The following HECTD4 variants were observed in gnomAD, a reference collection of about 807,000 sequenced individuals.
HECTD4 encodes HECT domain E3 ubiquitin protein ligase 4, also known as probable E3 ubiquitin-protein ligase HECTD4.
A neutral mutation model predicts 471.5 loss-of-function variants in HECTD4; 114 were observed. The observed-to-expected ratio is 0.24, with a 90% CI of 0.21 to 0.28. HECTD4 has a LOEUF of 0.28. Among genes scored for constraint, HECTD4 ranks in the 10% least tolerant of loss-of-function variants. The pLI is 1.00. For missense variants in HECTD4, 3,866 were observed against 5,651.5 expected (o/e 0.68, Z 10.13); for synonymous variants, 2,012 against 2,256.0 (o/e 0.89, Z 3.07).
At chr12:112,334,207 TTAAATAAATAAATAAA>T (rs35774693) in intron 1 of HECTD4, among the ~76,000 whole-genome samples, 65 of 142,708 alleles carry the variant, frequency 4.6e-4, no homozygotes, top group Middle Eastern at 3.5e-3. Flanking sequence ...AGACTCCCTC[TTAAATAAATAAATAAA>T]TAAATAAATA....
intron 44 of HECTD4, among the ~76,000 whole-genome samples, chr12:112,222,201 G>A (rs1190909303): frequency 1.3e-5 from 2 of 152,128 alleles, no homozygotes; most frequent in Non-Finnish European, 2.9e-5. Context: ...GATTACAGGC[G>A]TGAGCCATTG....
At chr12:112,294,299 A>C (rs1036941852) in intron 7 of HECTD4, among the ~76,000 whole-genome samples, 1 of 152,138 alleles carries the variant, frequency 6.6e-6, no homozygotes, top group African/African-American at 2.4e-5. Context: ...ACAAGTATCT[A>C]CATTATTTAG....
chr12:112,178,935 C>T lies in HECTD4; in HGVS notation c.11359G>A (p.Val3787Ile), dbSNP rs536394487. 1.2e-5 allele frequency: 19 copies of T among 1,609,078 alleles called. No individual in the cohort carries two copies. The highest frequency in any genetic ancestry group is 1.1e-4 in the African/African-American group (8 of 74,990). Residue 3787 changes from valine (V) to isoleucine (I), a missense_variant, in exon 64 of 76, where the codon GTC becomes ATC. Transcript: ENST00000682272. ...PAKDKAVLNS[V>I]SRTALSEKKP... ...CAGGCTCCTTGGGGCACGCACCTGACGCTGTTGAGCACAGCCTTGTCCTTG... is the reference window on the plus strand; with the variant it reads ...CAGGCTCCTTGGGGCACGCACCTGATGCTGTTGAGCACAGCCTTGTCCTTG...
At chr12:112,333,562 T>C (rs532532124) in intron 1 of HECTD4, among the ~76,000 whole-genome samples, 8 of 152,226 alleles carry the variant, frequency 5.3e-5, no homozygotes, top group East Asian at 3.9e-4. Context: ...GTATGGACAA[T>C]AGAGGCCAGA....
At chr12:112,176,025 C>T (rs533208046) in intron 65 of HECTD4, among the ~76,000 whole-genome samples, 166 bp from the exon 66 acceptor site, 1 of 152,254 alleles carries the variant, frequency 6.6e-6, no homozygotes, top group African/African-American at 2.4e-5. Flanking sequence ...TGACCCACTG[C>T]GCACAGGATA....
rs1017664314 is a variant in HECTD4 at position 112,382,090 on chromosome 12, C to G, written c.39G>C (p.Ala13=). 4.5e-6 allele frequency: 5 copies of G among 1,122,110 alleles called. No homozygotes were observed. In the African/African-American group the frequency reaches 8.2e-5, roughly 18 times the overall value. The allele number at this position is 1,122,110 out of a possible 1,614,324, so 69.5% of individuals were successfully genotyped here. A position where few individuals can be genotyped will look rare whatever the true frequency, so the allele number is the denominator to read the frequency against. ...SSAAAAAAAA[A]AADSAQWLSV... Reference sequence around the variant, plus strand: ...AGAGCCACTGCGCCGAGTCAGCGGCCGCCGCCGCCGCCGCCGCCGCGGCCG... The same window carrying G: ...AGAGCCACTGCGCCGAGTCAGCGGCGGCCGCCGCCGCCGCCGCCGCGGCCG... Residue 13 remains alanine (A), a synonymous_variant, in exon 1 of 76, where the codon GCG becomes GCC. Coordinates refer to ENST00000682272, the MANE Select transcript of HECTD4 (RefSeq NM_001388303.1).
At chr12:112,231,400 G>A (rs2033375539) in intron 39 of HECTD4, 113 bp downstream of exon 39, 1 of 972,168 alleles carries the variant, frequency 1.0e-6, no homozygotes. Flanking sequence ...GCAGATGGCG[G>A]CCTCATTTCC....
Position 112,193,244 on chromosome 12 carries a change from T to C in HECTD4, c.8956-53A>G. On this transcript the variant is annotated intron_variant, in intron 57 of 75. Coordinates refer to ENST00000682272, the MANE Select transcript of HECTD4 (RefSeq NM_001388303.1). This position sits in a 1 kb window ranked among gnomAD's most constrained non-coding sequence, Gnocchi z 5.2. ...CCACGGGCTAAACACAGGGACAGCA[T>C]TTCATCTTCTCATCTCACATGGCCC... 6.3e-7 allele frequency: 1 copy of C among 1,596,396 alleles called. No individual in the cohort carries two copies. The highest frequency in any genetic ancestry group is 8.5e-7 in the Non-Finnish European group (1 of 1,170,362).
chr12:112,263,379 G>C (rs887343786), intron 17 of HECTD4, among the ~76,000 whole-genome samples: 1 of 152,070 alleles, frequency 6.6e-6, no homozygotes, highest in Non-Finnish European at 1.5e-5. Flanking sequence ...AAAGAATAAA[G>C]TTCTTGTAGA....
chr12:112,163,774 G>T lies in HECTD4; in HGVS notation c.12702-37C>A. 1 of 1,414,728 alleles carries T rather than the reference G, an allele frequency of 7.1e-7. No individual in the cohort carries two copies. The highest frequency in any genetic ancestry group is 9.3e-7 in the Non-Finnish European group (1 of 1,077,804). 87.6% of individuals were successfully genotyped at this position (1,414,728 alleles called of 1,614,324 possible). A position where few individuals can be genotyped will look rare whatever the true frequency, so the allele number is the denominator to read the frequency against. On this transcript the variant is annotated intron_variant, in intron 73 of 75. Coordinates refer to ENST00000682272, the MANE Select transcript of HECTD4 (RefSeq NM_001388303.1). The surrounding 1 kb of genome is among the most constrained non-coding windows in gnomAD (Gnocchi z 8.2). ...AGGAGCACAGGTGAGGGAGAACACC[G>T]CCGAAGAGGCTGGGTCTGGGGGCCA... is the stretch of plus-strand genomic sequence containing the variant.
intron 1 of HECTD4, among the ~76,000 whole-genome samples, chr12:112,375,151 G>A (rs2036753095): frequency 6.6e-6 from 1 of 152,158 alleles, no homozygotes; most frequent in Admixed American, 6.6e-5. Flanking sequence ...CATAGAAATG[G>A]AGTCTTACAG....
rs1594091809 is a variant in HECTD4, at chr12:112,381,961, G to C, written c.168C>G (p.Thr56=). Residue 56 remains threonine, a synonymous_variant, in exon 1 of 76, where the codon ACC becomes ACG. Transcript: ENST00000682272. This position sits in a 1 kb window ranked among gnomAD's most constrained non-coding sequence, Gnocchi z 4.1. ...EILGAPEAAD[T]DLEILTFETK... is the part of the protein sequence containing the mutation. ...GGGCCGCCTCGCTCACCTCCAGGTC[G>C]GTGTCCGCGGCCTCTGGGGCCCCGA... The C allele has an allele frequency of 8.2e-7, 1 of 1,224,082 alleles. No homozygotes were observed. Among genetic ancestry groups the C allele is most frequent in the Non-Finnish European group, 1.0e-6 (1 of 982,960 alleles). The allele number at this position is 1,224,082 out of a possible 1,614,324, so 75.8% of individuals were successfully genotyped here. A position where few individuals can be genotyped will look rare whatever the true frequency, so the allele number is the denominator to read the frequency against.
In HECTD4 at chr12:112,235,420, T is replaced by C; in HGVS notation, c.5725+84A>G. Reference sequence around the variant, plus strand: ...TTCTCTGTCACTCACTCTTTCATCATAGGAAGCACAGATGCAAGGGGGACC... The same window carrying C: ...TTCTCTGTCACTCACTCTTTCATCACAGGAAGCACAGATGCAAGGGGGACC... On this transcript the variant is annotated intron_variant, in intron 36 of 75. Transcript: ENST00000682272. This position sits in a 1 kb window ranked among gnomAD's most constrained non-coding sequence, Gnocchi z 5.0. The C allele has an allele frequency of 3.3e-6, 5 of 1,510,120 alleles. No homozygotes were observed. Among genetic ancestry groups the C allele is most frequent in the Non-Finnish European group, 4.5e-6 (5 of 1,121,126 alleles). 93.5% of individuals were successfully genotyped at this position (1,510,120 alleles called of 1,614,324 possible). A position where few individuals can be genotyped will look rare whatever the true frequency, so the allele number is the denominator to read the frequency against.
At chr12:112,180,557 A>C (rs761804672) in intron 62 of HECTD4, among the ~76,000 whole-genome samples, 75 of 152,040 alleles carry the variant, frequency 4.9e-4, no homozygotes, top group Middle Eastern at 3.4e-3. Flanking sequence ...ACAACAACAA[A>C]AAAAAGGAAA....
At position 112,228,848 on chromosome 12, in the gene HECTD4, C is replaced by CT; in HGVS notation, c.6520-38dup. 6.3e-7 allele frequency: 1 copy of CT among 1,587,662 alleles called. No individual in the cohort carries two copies. The highest frequency in any genetic ancestry group is 8.6e-7 in the Non-Finnish European group (1 of 1,167,604). ...CATAGATTAGCACTACCAACCAGCT[C>CT]TGACGTGTGGGCAGCTGTCTTACGA... is the stretch of plus-strand genomic sequence containing the variant. On this transcript the variant is annotated intron_variant, in intron 41 of 75. Transcript: ENST00000682272. The surrounding 1 kb of genome is among the most constrained non-coding windows in gnomAD (Gnocchi z 4.9).
At chr12:112,261,204 A>T in intron 18 of HECTD4, 101 bp downstream of exon 18, 1 of 1,273,688 alleles carries the variant, frequency 7.9e-7, no homozygotes, top group Non-Finnish European at 1.0e-6. Context: ...AAATCTCTCT[A>T]TATAAAATTG....
At chr12:112,317,365 C>A (rs191328385) in intron 2 of HECTD4, among the ~76,000 whole-genome samples, 2 of 152,280 alleles carry the variant, frequency 1.3e-5, no homozygotes, top group East Asian at 3.9e-4. Context: ...TAAAAAAACC[C>A]TTGAGATTCA....
At chr12:112,347,562 C>T (rs2036178643) in intron 1 of HECTD4, among the ~76,000 whole-genome samples, 2 of 152,244 alleles carry the variant, frequency 1.3e-5, no homozygotes, top group Non-Finnish European at 2.9e-5. Flanking sequence ...TTGGGAAGAA[C>T]CTAGCAATTG....
intron 9 of HECTD4, among the ~76,000 whole-genome samples, chr12:112,276,666 C>A (rs1192383834): frequency 6.6e-6 from 1 of 152,092 alleles, no homozygotes; most frequent in Non-Finnish European, 1.5e-5. Context: ...ACGATGGTCT[C>A]GATCTCTTGA....
Sources: gnomAD v4.1 joint callset for allele counts (sites outside exome capture counted in the v4.1 genomes callset) on GRCh38, gnomAD v4.1.1 for gene constraint, Gnocchi (gnomAD v3.1) non-coding constraint, MANE v1.5 for transcripts, NCBI Gene and HGNC (gene_info 2026-07-23, HGNC 2026-07-21) for gene names.